The following TSNAXIP1 variants were observed in gnomAD, a reference collection of about 807,000 sequenced individuals.
TSNAXIP1 encodes translin associated factor X interacting protein 1.
A neutral mutation model predicts 84.8 loss-of-function variants in TSNAXIP1; 89 were observed. The ratio of observed to expected loss-of-function variants is 1.05; its 90% CI spans 0.88 to 1.25. The LOEUF is 1.25. TSNAXIP1 is among the 50% of genes most tolerant of loss of function. TSNAXIP1 has a pLI of 0.00. For synonymous variants in TSNAXIP1, 347 were observed against 335.2 expected, an observed-to-expected ratio of 1.04 and a Z score of -0.39; for missense variants, 874 against 887.6, an observed-to-expected ratio of 0.98 and a Z score of 0.20.
intron 1 of TSNAXIP1, 175 bp downstream of exon 1, chr16:67,807,371 CGTGCTAGCAAAACG>C: frequency 1.3e-6 from 2 of 1,531,268 alleles, no homozygotes; most frequent in Non-Finnish European, 8.7e-7. Context: ...GAAGACGTTA[CGTGCTAGCAAAACG>C]GTAGGCGCAC....
In TSNAXIP1 at chr16:67,814,413, T is replaced by C; in HGVS notation, c.147+12T>C. The C allele has an allele frequency of 1.3e-6, 2 of 1,534,588 alleles. No individual in the cohort carries two copies. The highest frequency in any genetic ancestry group is 8.7e-7 in the Non-Finnish European group (1 of 1,145,650). ...AACGAAGGACGCTGGTTAGTGACAA[T>C]GTTGTTTTGGAACCCCAAATGTCAG... On this transcript the variant is annotated intron_variant, in intron 2 of 15. Coordinates refer to ENST00000561639, the MANE Select transcript of TSNAXIP1 (RefSeq NM_001288990.3).
At chr16:67,824,829 T>C (rs2151259738) in intron 6 of TSNAXIP1, 50 bp downstream of exon 6, 1 of 1,575,512 alleles carries the variant, frequency 6.3e-7, no homozygotes, top group East Asian at 2.3e-5. Flanking sequence ...TCCTGCCAAC[T>C]CCACGACAAG....
At chr16:67,811,434 G>GTGTTTTTTT (rs1312098377) in intron 1 of TSNAXIP1, among the ~76,000 whole-genome samples, 1 of 122,462 alleles carries the variant, frequency 8.2e-6, no homozygotes, top group African/African-American at 3.9e-5. Context: ...GAATTGATTA[G>GTGTTTTTTT]TCTTTTTTTT....
chr16:67,811,490 G>A (rs546121788), intron 1 of TSNAXIP1, among the ~76,000 whole-genome samples: 3 of 124,024 alleles, frequency 2.4e-5, no homozygotes, highest in Admixed American at 1.0e-4. Flanking sequence ...TGCCCAAGCT[G>A]TAGTGCAGTG....
chr16:67,824,592 G>T lies in TSNAXIP1; in HGVS notation c.491G>T (p.Arg164Met), dbSNP rs760574678. 6.2e-7 allele frequency: 1 copy of T among 1,613,794 alleles called. No individual in the cohort carries two copies. Among genetic ancestry groups the T allele is most frequent in the South Asian group, 1.1e-5 (1 of 91,050 alleles). The change falls in exon 6 of 16, where the codon AGG (arginine) becomes ATG (methionine). Residue 164 changes from arginine (R) to methionine (M), a missense_variant. Physicochemically the swap from Arg to Met is moderately conservative, Grantham distance 91. Coordinates refer to ENST00000561639, the MANE Select transcript of TSNAXIP1 (RefSeq NM_001288990.3). ...ACCTGTCTCTGCTTAGCCCACCAAA[G>T]GGAGAAGATTCGGGCTCTGGAGCCC... ...NAYEGMLAHQ[R>M]EKIRALEPLK...
At chr16:67,810,938 C>T (rs1597984107) in intron 1 of TSNAXIP1, among the ~76,000 whole-genome samples, 2 of 151,088 alleles carry the variant, frequency 1.3e-5, no homozygotes, top group Admixed American at 6.6e-5. Flanking sequence ...AGGGTTTCAC[C>T]GTGTTAGCCA....
Position 67,814,358 on chromosome 16 carries a change from A to G in TSNAXIP1, c.104A>G (p.Lys35Arg). The G allele has an allele frequency of 6.5e-7, 1 of 1,536,074 alleles. No homozygotes were observed. Among genetic ancestry groups the G allele is most frequent in the Non-Finnish European group, 8.7e-7 (1 of 1,146,900 alleles). ...GACGAATCCTTTCTCACAGAAGACA[A>G]GAGCACCCAGAATCGCAAGCTTCTT... ...TIDESFLTED[K>R]STQNRKLLQK... The change falls in exon 2 of 16, where the codon AAG becomes AGG. Residue 35 changes from lysine to arginine, a missense_variant. Lys to Arg is a conservative substitution (Grantham distance 26, BLOSUM62 2). Coordinates refer to ENST00000561639, the MANE Select transcript of TSNAXIP1 (RefSeq NM_001288990.3).
At chr16:67,807,439 AT>A (rs1489027517) in intron 1 of TSNAXIP1, 1 of 1,409,602 alleles carries the variant, frequency 7.1e-7, no homozygotes, top group African/African-American at 1.4e-5. Context: ...AATGTACTAT[AT>A]GCCAAATGCT....
intron 7 of TSNAXIP1, 112 bp downstream of exon 7, chr16:67,825,384 C>T: frequency 6.9e-7 from 1 of 1,443,560 alleles, no homozygotes; most frequent in Non-Finnish European, 9.4e-7. Flanking sequence ...CATTCCATAA[C>T]CATTCAGAGG....
rs781726579 is a variant in TSNAXIP1, at chr16:67,827,819, GCAGA to G, written c.1969_1972del (p.Thr657Ter). 6.2e-6 allele frequency: 10 copies of G among 1,613,642 alleles called. No individual in the cohort carries two copies. Among genetic ancestry groups the G allele is most frequent in the Non-Finnish European group, 8.5e-6 (10 of 1,179,744 alleles). On this transcript the variant is annotated frameshift_variant, in exon 16 of 16. Transcript: ENST00000561639. LOFTEE classifies it low-confidence loss of function (END_TRUNC). Reference sequence around the variant, plus strand: ...TGACCATCGACCCCAGCCTGGACAAGCAGACAGTGAACACCTACATGAGCCAGGC... The same window carrying G: ...TGACCATCGACCCCAGCCTGGACAAGCAGTGAACACCTACATGAGCCAGGC...
chr16:67,810,808 C>T (rs1186361389), intron 1 of TSNAXIP1, among the ~76,000 whole-genome samples: 5 of 149,512 alleles, frequency 3.3e-5, no homozygotes, highest in Admixed American at 2.7e-4. Flanking sequence ...GGCATGATCT[C>T]AGCTCGCTGC....
chr16:67,819,758 C>T (rs2056882971), intron 2 of TSNAXIP1, among the ~76,000 whole-genome samples: 1 of 151,346 alleles, frequency 6.6e-6, no homozygotes, highest in Non-Finnish European at 1.5e-5. Flanking sequence ...AGGGATTCTC[C>T]TGCCTCAGCC....
chr16:67,826,438 G>T lies in TSNAXIP1; in HGVS notation c.1277G>T (p.Gly426Val), dbSNP rs1474067022. ...LREKDFFPGLGYGEAIPAFLR... is the reference protein window; with the variant it reads ...LREKDFFPGLVYGEAIPAFLR... ...ATGAGCTGATATCCTCCCTCCTAGG[G>T]CTATGGGGAAGCCATCCCTGCTTTT... The change falls in exon 11 of 16, where the codon GGC becomes GTC. Residue 426 changes from glycine to valine, a missense_variant and splice_region_variant. By Grantham distance (109) the Gly-to-Val change is moderately radical. Transcript: ENST00000561639. 6.2e-7 allele frequency: 1 copy of T among 1,613,440 alleles called. No homozygotes were observed. Among genetic ancestry groups the T allele is most frequent in the Non-Finnish European group, 8.5e-7 (1 of 1,180,024 alleles).
Position 67,826,954 on chromosome 16 carries a change from T to A in TSNAXIP1, c.1555-9T>A. ...GAACAGCAGGTGAATAATGCTTCTC[T>A]CCTTATAGCGGAGTGAGAATGTGTA... On this transcript the variant is annotated splice_polypyrimidine_tract_variant and intron_variant, in intron 12 of 15. Transcript: ENST00000561639. 6.2e-7 allele frequency: 1 copy of A among 1,613,986 alleles called. No homozygotes were observed. Among genetic ancestry groups the A allele is most frequent in the Non-Finnish European group, 8.5e-7 (1 of 1,179,972 alleles).
Position 67,827,231 on chromosome 16 carries a change from C to G in TSNAXIP1, c.1665-18C>G, listed in dbSNP as rs2292316. 0.13 allele frequency: 202,818 copies of G among 1,613,544 alleles called. 14,145 individuals carry two copies. The highest frequency in any genetic ancestry group is 0.21 in the African/African-American group (15,624 of 74,976). On this transcript the variant is annotated intron_variant, in intron 13 of 15. Transcript: ENST00000561639. The stretch of plus-strand genomic sequence containing the variant: ...AGGCCTCAGCAGGTCCCTGTTGGCC[C>G]TCATGTCTCCCCTACAGCACTGTCC...
intron 2 of TSNAXIP1, among the ~76,000 whole-genome samples, chr16:67,819,815 A>ATTTCTTTTTTTT (rs2056889212): frequency 9.7e-6 from 1 of 102,662 alleles, no homozygotes; most frequent in Non-Finnish European, 1.9e-5. Context: ...ACCTGGCTAA[A>ATTTCTTTTTTTT]TTTTTTTTTT....
chr16:67,816,115 G>A (rs1365858993), intron 2 of TSNAXIP1, among the ~76,000 whole-genome samples: 1 of 151,544 alleles, frequency 6.6e-6, no homozygotes, highest in Admixed American at 6.6e-5. Context: ...ACAGACGCCC[G>A]CCAACACACC....
At chr16:67,811,215 A>G (rs1350824749) in intron 1 of TSNAXIP1, among the ~76,000 whole-genome samples, 6 of 144,002 alleles carry the variant, frequency 4.2e-5, no homozygotes, top group Admixed American at 3.4e-4. Flanking sequence ...AGCTTTTTGG[A>G]TAAGTGTACA....
rs752814585 is a variant in TSNAXIP1 at position 67,821,091 on chromosome 16, C to T, written c.261-8C>T. The T allele has an allele frequency of 4.3e-6, 7 of 1,613,316 alleles. No individual in the cohort carries two copies. Among genetic ancestry groups the T allele is most frequent in the Non-Finnish European group, 5.9e-6 (7 of 1,179,782 alleles). On this transcript the variant is annotated splice_polypyrimidine_tract_variant and splice_region_variant and intron_variant, in intron 3 of 15. Transcript: ENST00000561639. ...TGCTGGCCACATATCAGCCACTGTC[C>T]CCTGCAGGAGCTGCCAGCAGCACCC...
Sources: gnomAD v4.1 joint callset for allele counts (sites outside exome capture counted in the v4.1 genomes callset) on GRCh38, gnomAD v4.1.1 for gene constraint, MANE v1.5 for transcripts, NCBI Gene and HGNC (gene_info 2026-07-23, HGNC 2026-07-21) for gene names.